Variants in AFG2B observed in about 807,000 individuals in gnomAD.
AFG2B encodes the protein ATPase family gene 2 protein homolog B.
chr15:45,402,766 T>C, the AFG2B span: 1 of 1,583,034 alleles, frequency 6.3e-7, no homozygotes, highest in Non-Finnish European at 8.5e-7. Flanking sequence ...CGTCGCCGTG[T>C]GGCCGGTGTT....
the AFG2B span, among the ~76,000 whole-genome samples, chr15:45,404,046 G>C: frequency 6.6e-6 from 1 of 152,146 alleles, no homozygotes; most frequent in Non-Finnish European, 1.5e-5. Context: ...AATTGAGGAG[G>C]TACCCACAAC....
the AFG2B span, chr15:45,417,445 T>C: frequency 3.1e-6 from 5 of 1,604,324 alleles, no homozygotes; most frequent in Non-Finnish European, 4.3e-6. Flanking sequence ...CAGAATTGAA[T>C]TCCAACTTGG....
At chr15:45,402,668 G>A in the AFG2B span, 1 of 1,577,948 alleles carries the variant, frequency 6.3e-7, no homozygotes. Context: ...CTGTGCGCGA[G>A]CCCCGGGGCG....
the AFG2B span, chr15:45,402,818 C>A: frequency 1.3e-6 from 2 of 1,596,964 alleles, no homozygotes; most frequent in Non-Finnish European, 1.7e-6. Context: ...AATACAGCCG[C>A]GGTGCTGGAG....
chr15:45,409,641 G>A, the AFG2B span, among the ~76,000 whole-genome samples: 1 of 151,760 alleles, frequency 6.6e-6, no homozygotes, highest in Admixed American at 6.6e-5. Context: ...TGGGAGGATC[G>A]CTCGAGCCCA....
the AFG2B span, chr15:45,403,329 C>T: frequency 4.7e-5 from 75 of 1,603,244 alleles, no homozygotes; most frequent in Admixed American, 8.9e-4. Context: ...CCAGCCTCCT[C>T]TTCCTGGACG....
the AFG2B span, among the ~76,000 whole-genome samples, chr15:45,411,548 G>A: frequency 6.6e-6 from 1 of 152,256 alleles, no homozygotes; most frequent in Middle Eastern, 3.4e-3. Flanking sequence ...GAACTCCTGG[G>A]CTTAAACAGT....
At chr15:45,404,807 CAAA>C in the AFG2B span, among the ~76,000 whole-genome samples, 62 of 93,950 alleles carry the variant, frequency 6.6e-4, no homozygotes, top group African/African-American at 1.9e-3. Flanking sequence ...AACTGTGTCT[CAAA>C]AAAAAAAAAA....
At chr15:45,405,971 A>T in the AFG2B span, among the ~76,000 whole-genome samples, 1 of 152,154 alleles carries the variant, frequency 6.6e-6, no homozygotes, top group East Asian at 1.9e-4. Flanking sequence ...ATACATATAT[A>T]TAATGAAATA....
At chr15:45,419,997 CA>C in the AFG2B span, among the ~76,000 whole-genome samples, 1,368 of 53,610 alleles carry the variant, frequency 0.026, 26 homozygotes, top group East Asian at 0.039. Flanking sequence ...CCCCCCCCCC[CA>C]AAAAAAAAAA....
At chr15:45,402,426 T>C in the AFG2B span, 256 of 1,600,756 alleles carry the variant, frequency 1.6e-4, 1 homozygote, top group African/African-American at 3.2e-3. Context: ...TTCATCTGTG[T>C]GCGATGGCTC....
At chr15:45,419,394 G>C in the AFG2B span, among the ~76,000 whole-genome samples, 1 of 151,632 alleles carries the variant, frequency 6.6e-6, no homozygotes, top group Non-Finnish European at 1.5e-5. Flanking sequence ...CCTGGGAAGC[G>C]AAGGTTGCAG....
the AFG2B span, among the ~76,000 whole-genome samples, chr15:45,409,260 C>T: frequency 2.6e-5 from 4 of 151,664 alleles, no homozygotes; most frequent in African/African-American, 9.7e-5. Flanking sequence ...CCTATAAATC[C>T]CAGCTACTCG....
chr15:45,410,395 T>C, the AFG2B span: 1 of 1,613,768 alleles, frequency 6.2e-7, no homozygotes, highest in Admixed American at 1.7e-5. Flanking sequence ...CTGTGATTGA[T>C]GAAATAGACT....
At chr15:45,410,649 A>G in the AFG2B span, 26 of 905,222 alleles carry the variant, frequency 2.9e-5, no homozygotes, top group Non-Finnish European at 3.8e-5. Flanking sequence ...TGATCCTAAC[A>G]TCTAAATCCA....
At chr15:45,418,898 A>C in the AFG2B span, among the ~76,000 whole-genome samples, 1 of 152,140 alleles carries the variant, frequency 6.6e-6, no homozygotes, top group Non-Finnish European at 1.5e-5. Flanking sequence ...GCAATTGAAA[A>C]TATGTAGTGA....
At chr15:45,418,666 G>A in the AFG2B span, 7 of 1,613,358 alleles carry the variant, frequency 4.3e-6, no homozygotes, top group Non-Finnish European at 5.9e-6. Flanking sequence ...GCTGATCTTA[G>A]AAACCTCTGC....
chr15:45,409,374 CAA>C, the AFG2B span, among the ~76,000 whole-genome samples: 458 of 83,542 alleles, frequency 5.5e-3, 2 homozygotes, highest in African/African-American at 0.014. Context: ...GAGACCCCGC[CAA>C]AAAAAAAAAA....
the AFG2B span, among the ~76,000 whole-genome samples, chr15:45,412,955 A>G: frequency 2.0e-5 from 3 of 152,260 alleles, no homozygotes; most frequent in African/African-American, 7.2e-5. Flanking sequence ...ATATATAAGT[A>G]ATAATTATAA....
Sources: gnomAD v4.1 joint callset for allele counts (sites outside exome capture counted in the v4.1 genomes callset) on GRCh38, gnomAD v4.1.1 for gene constraint, MANE v1.5 for transcripts, NCBI Gene and HGNC (gene_info 2026-07-23, HGNC 2026-07-21) for gene names.